Variants in MASP1 observed in about 807,000 individuals in gnomAD.
The protein encoded by MASP1 is MBL associated serine protease 1.
Under a neutral mutation model 77.1 loss-of-function variants are expected in MASP1, and 59 were observed. That is an observed-to-expected ratio of 0.77 (90% CI 0.62 to 0.95). The LOEUF is 0.95. Among genes scored for constraint, MASP1 ranks in the 40% least tolerant of loss-of-function variants. MASP1 has a pLI of 0.00. For synonymous variants in MASP1, 362 were observed against 354.5 expected, an observed-to-expected ratio of 1.02 and a Z score of -0.24; for missense variants, 885 against 912.9, an observed-to-expected ratio of 0.97 and a Z score of 0.39.
At chr3:187,229,724 G>A (rs1481961559), downstream of MASP1, 11 of 1,612,224 alleles carry the variant, frequency 6.8e-6, no homozygotes, top group African/African-American at 9.3e-5. Flanking sequence ...AGGGGGTTCA[G>A]TTCCTTAGCT....
chr3:187,241,713 T>C (rs2108522545), intron 9 of MASP1, 158 bp from the exon 10 acceptor site: 1 of 616,716 alleles, frequency 1.6e-6, no homozygotes, highest in East Asian at 3.0e-5. Context: ...AGCCTAGATG[T>C]ACTAAGAAGA....
chr3:187,279,965 T>A (rs529680286), intron 2 of MASP1, among the ~76,000 whole-genome samples: 1 of 152,356 alleles, frequency 6.6e-6, no homozygotes, highest in Non-Finnish European at 1.5e-5. Flanking sequence ...CGAAGAATTC[T>A]TTTTACTGAT....
chr3:187,232,302 G>T (rs762029131), downstream of MASP1, among the ~76,000 whole-genome samples: 3 of 144,736 alleles, frequency 2.1e-5, no homozygotes, highest in Non-Finnish European at 4.5e-5. Context: ...TTCAGGCCTT[G>T]GTATCCTTTT....
At chr3:187,275,538 C>T (rs535658364) in intron 2 of MASP1, among the ~76,000 whole-genome samples, 1 of 152,212 alleles carries the variant, frequency 6.6e-6, no homozygotes, top group South Asian at 2.1e-4. Context: ...TTATAAGAGC[C>T]AACTGTCAGC....
chr3:187,279,324 C>T (rs944659809), intron 2 of MASP1, among the ~76,000 whole-genome samples: 1 of 152,188 alleles, frequency 6.6e-6, no homozygotes, highest in Non-Finnish European at 1.5e-5. Context: ...ACCCACAAGG[C>T]CACCTCTTCC....
intron 2 of MASP1, among the ~76,000 whole-genome samples, chr3:187,272,970 G>C (rs1042754059): frequency 6.6e-6 from 1 of 152,166 alleles, no homozygotes; most frequent in African/African-American, 2.4e-5. Context: ...AATAGGATGG[G>C]AGGTGATATA....
At chr3:187,276,765 T>C (rs1317709594) in intron 2 of MASP1, 1 of 152,202 alleles carries the variant, frequency 6.6e-6, no homozygotes, top group Non-Finnish European at 1.5e-5. Context: ...GGTCCTGGTG[T>C]CTCTGGAGTG....
chr3:187,226,214 G>A (rs1211495006), intron 12 of MASP1: 3 of 612,972 alleles, frequency 4.9e-6, no homozygotes, highest in African/African-American at 3.6e-5. Flanking sequence ...AGACTTCAAT[G>A]CCTTCTCATG....
chr3:187,290,049 G>A (rs1204984545), intron 1 of MASP1, among the ~76,000 whole-genome samples: 1 of 152,190 alleles, frequency 6.6e-6, no homozygotes, highest in East Asian at 1.9e-4. Flanking sequence ...GTATTGAATG[G>A]CTGGTAGGAA....
chr3:187,275,920 G>A (rs951606693), intron 2 of MASP1, among the ~76,000 whole-genome samples: 2 of 152,100 alleles, frequency 1.3e-5, no homozygotes, highest in African/African-American at 4.8e-5. Flanking sequence ...TGTAAAGCCT[G>A]CCATTGGCTG....
At chr3:187,268,824 T>C (rs1716274954) in intron 2 of MASP1, among the ~76,000 whole-genome samples, 1 of 152,194 alleles carries the variant, frequency 6.6e-6, no homozygotes, top group Non-Finnish European at 1.5e-5. Context: ...CCCAGTACTT[T>C]GGGAGGCCAA....
chr3:187,234,526 A>G lies in MASP1; in HGVS notation c.*1158T>C. On this transcript the variant is annotated 3_prime_UTR_variant, in exon 11 of 11. Transcript: ENST00000296280. ...GCCAGTTGGGGGCAGAGCAGGGACT[A>G]GAACCCAGGACTCCTGGCTCTTTTC... is the stretch of plus-strand genomic sequence containing the variant. The G allele has an allele frequency of 7.8e-7, 1 of 1,287,078 alleles. No individual in the cohort carries two copies. The highest frequency in any genetic ancestry group is 1.0e-6 in the Non-Finnish European group (1 of 988,538). 79.7% of individuals were successfully genotyped at this position (1,287,078 alleles called of 1,614,324 possible). A position where few individuals can be genotyped will look rare whatever the true frequency, so the allele number is the denominator to read the frequency against.
chr3:187,256,591 C>T (rs1715096166), intron 5 of MASP1, 73 bp downstream of exon 5: 3 of 1,423,434 alleles, frequency 2.1e-6, no homozygotes, highest in Middle Eastern at 2.4e-4. Context: ...GGTGAAGGTT[C>T]CGCAATATCA....
intron 10 of MASP1, among the ~76,000 whole-genome samples, chr3:187,240,524 T>A (rs1713546629): frequency 6.6e-6 from 1 of 152,234 alleles, no homozygotes; most frequent in Non-Finnish European, 1.5e-5. Flanking sequence ...TAAATTTAAC[T>A]TTTTGTGGAT....
At chr3:187,267,214 C>T (rs1716111583) in intron 2 of MASP1, among the ~76,000 whole-genome samples, 1 of 152,168 alleles carries the variant, frequency 6.6e-6, no homozygotes, top group African/African-American at 2.4e-5. Context: ...CTAGCCAGTG[C>T]TCCTCAAGAC....
intron 2 of MASP1, among the ~76,000 whole-genome samples, chr3:187,267,463 T>G (rs1579553253): frequency 6.6e-6 from 1 of 152,354 alleles, no homozygotes; most frequent in Non-Finnish European, 1.5e-5. Context: ...AGATTAGAGT[T>G]GGCCAAAAGA....
chr3:187,284,016 C>A (rs908652275), intron 2 of MASP1, among the ~76,000 whole-genome samples: 2 of 152,064 alleles, frequency 1.3e-5, no homozygotes, highest in African/African-American at 2.4e-5. Flanking sequence ...TCAGTGAAGA[C>A]CCCCCTGGTT....
In MASP1 at chr3:187,235,782, C is replaced by A; in HGVS notation, c.2089G>T (p.Val697Phe). ...GGPEECGSKQ[V>F]YGVYTKVSNY... The stretch of plus-strand genomic sequence containing the variant: ...GAGACCTTTGTGTAGACTCCATAGA[C>A]CTGCTTGCTGCCGCATTCTTCAGGT... Residue 697 changes from valine to phenylalanine, a missense_variant, in exon 11 of 11, where the codon GTC becomes TTC. Physicochemically the swap from Val to Phe is conservative, Grantham distance 50 (BLOSUM62 -1). Transcript: ENST00000296280. 1 of 1,614,116 alleles carries A rather than the reference C, an allele frequency of 6.2e-7. No homozygotes were observed. The highest frequency in any genetic ancestry group is 8.5e-7 in the Non-Finnish European group (1 of 1,180,008).
intron 2 of MASP1, among the ~76,000 whole-genome samples, chr3:187,281,261 C>T (rs1717386623): frequency 6.6e-6 from 1 of 152,256 alleles, no homozygotes; most frequent in Admixed American, 6.5e-5. Context: ...ATCCGGACCA[C>T]AGACTTGGGA....
Sources: gnomAD v4.1 joint callset for allele counts (sites outside exome capture counted in the v4.1 genomes callset) on GRCh38, gnomAD v4.1.1 for gene constraint, MANE v1.5 for transcripts, NCBI Gene and HGNC (gene_info 2026-07-23, HGNC 2026-07-21) for gene names.